The following ZNF683 variants were observed in gnomAD, a reference collection of about 807,000 sequenced individuals.
The protein encoded by ZNF683 is zinc finger protein 683, also known as tissue-resident T-cell transcription regulator protein ZNF683.
ZNF683 carries 20 observed loss-of-function variants against 31.4 expected under a neutral mutation model. That is an observed-to-expected ratio of 0.64 (90% CI 0.45 to 0.93). The LOEUF is 0.93. Ranked by LOEUF, ZNF683 falls within the 40% of genes least tolerant of loss-of-function variation. ZNF683 has a pLI of 0.00. For missense variants in ZNF683, 621 were observed against 637.2 expected, an observed-to-expected ratio of 0.97 and a Z score of 0.27; for synonymous variants, 264 against 267.6, an observed-to-expected ratio of 0.99 and a Z score of 0.13.
At position 26,361,810 on chromosome 1, in the gene ZNF683, G is replaced by A. The variant is rs1248626635; in HGVS notation, c.1356C>T (p.His452=). Residue 452 remains histidine, a synonymous_variant, in exon 6 of 6, where the codon CAC becomes CAT. Transcript: ENST00000349618. Reference sequence around the variant, plus strand: ...CCGCCATAAGATCTAGTGCCCCCTGGTGCCATTGGGCAAGGCAGGCCAGAG... The same window carrying A: ...CCGCCATAAGATCTAGTGCCCCCTGATGCCATTGGGCAAGGCAGGCCAGAG... ...LASLACLAQW[H]QGALDLMAVA... is the part of the protein sequence containing the mutation. 1.9e-6 allele frequency: 3 copies of A among 1,613,940 alleles called. No individual in the cohort carries two copies. The highest frequency in any genetic ancestry group is 2.5e-6 in the Non-Finnish European group (3 of 1,179,912).
In ZNF683 at chr1:26,363,027, G is replaced by T; in HGVS notation, c.1142C>A (p.Ser381Ter). Residue 381 changes from serine to a stop codon, truncating the protein, a stop_gained and splice_region_variant, in exon 5 of 6, where the codon TCG (serine) becomes TAG (stop). Transcript: ENST00000349618. LOFTEE classifies it low-confidence loss of function (END_TRUNC). The stretch of plus-strand genomic sequence containing the variant: ...ATAGTAGGGGGAGAAGGATCTCACC[G>T]AGCACTTGTGGGGCCGCTCCCCAGT... ...VHTGERPHKC[S>*]VCHKRFSSSS... is the part of the protein sequence containing the mutation. 1.2e-6 allele frequency: 2 copies of T among 1,608,928 alleles called. No individual in the cohort carries two copies. Among genetic ancestry groups the T allele is most frequent in the Non-Finnish European group, 1.7e-6 (2 of 1,177,314 alleles).
At chr1:26,374,106 C>A (rs2074717529), upstream of ZNF683, among the ~76,000 whole-genome samples, 1 of 151,984 alleles carries the variant, frequency 6.6e-6, no homozygotes, top group South Asian at 2.1e-4. Context: ...CCCTCAGTAT[C>A]CTTCAGCGTA....
intron 3 of ZNF683, 122 bp from the exon 4 acceptor site, chr1:26,365,348 G>A (rs1347276277): frequency 6.3e-5 from 67 of 1,055,170 alleles, no homozygotes; most frequent in Non-Finnish European, 8.0e-5. Context: ...TAGCATTTCT[G>A]TAGTGCTGAA....
In ZNF683 at chr1:26,362,262, T is replaced by G. The variant is rs759927978; in HGVS notation, c.1144-240A>C. 24 of 1,325,698 alleles carry G rather than the reference T, an allele frequency of 1.8e-5. No individual in the cohort carries two copies. In the Admixed American group the frequency reaches 2.2e-4, roughly 12 times the overall value. The allele number at this position is 1,325,698 out of a possible 1,614,324, so 82.1% of individuals were successfully genotyped here. A position where few individuals can be genotyped will look rare whatever the true frequency, so the allele number is the denominator to read the frequency against. On this transcript the variant is annotated intron_variant, in intron 5 of 5. Coordinates refer to ENST00000349618, the MANE Select transcript of ZNF683 (RefSeq NM_001114759.3). The stretch of plus-strand genomic sequence containing the variant: ...AAAGTAACTTCTCCTCTCTGAGCCT[T>G]CCTCTCCTCATTGGTAACATTGGTT...
At chr1:26,372,090 G>C (rs1319735056) in intron 1 of ZNF683, among the ~76,000 whole-genome samples, 2 of 152,192 alleles carry the variant, frequency 1.3e-5, no homozygotes, top group Non-Finnish European at 2.9e-5. Flanking sequence ...GTGTGCGTGA[G>C]TCTGGCCCAG....
upstream of ZNF683, chr1:26,374,486 G>C: frequency 8.8e-7 from 1 of 1,140,990 alleles, no homozygotes; most frequent in Non-Finnish European, 1.1e-6. Context: ...AGGTTCCCAC[G>C]TGGAGAAGCC....
rs772480473 is a variant in ZNF683 at position 26,367,699 on chromosome 1, A to C, written c.213T>G (p.Ser71=). Residue 71 remains serine, a synonymous_variant, in exon 3 of 6, where the codon TCT becomes TCG. Transcript: ENST00000349618. Reference sequence around the variant, plus strand: ...GGTCCTGTAGGCAGGCCAGCAGTGCAGACCTGCCCGGTGCCAGGGGCAAGG... The same window carrying C: ...GGTCCTGTAGGCAGGCCAGCAGTGCCGACCTGCCCGGTGCCAGGGGCAAGG... ...LCPLPLAPGR[S]ALLACLQDLD... 5 of 1,612,554 alleles carry C rather than the reference A, an allele frequency of 3.1e-6. No individual in the cohort carries two copies. In the South Asian group the frequency reaches 3.3e-5, roughly 11 times the overall value.
intron 5 of ZNF683, 84 bp downstream of exon 5, chr1:26,362,942 G>C: frequency 6.7e-7 from 1 of 1,494,236 alleles, no homozygotes. Flanking sequence ...ACTGGGGAAT[G>C]GAGGCTGCAG....
At chr1:26,371,415 C>G (rs1291139776) in intron 1 of ZNF683, among the ~76,000 whole-genome samples, 2 of 151,720 alleles carry the variant, frequency 1.3e-5, no homozygotes, top group African/African-American at 4.8e-5. Flanking sequence ...GCCTGGGCAA[C>G]AAAGCAAGAC....
At chr1:26,371,478 TGGTCCCAGCTACTCAGGA>T (rs2074667789) in intron 1 of ZNF683, among the ~76,000 whole-genome samples, 1 of 152,032 alleles carries the variant, frequency 6.6e-6, no homozygotes, top group South Asian at 2.1e-4. Context: ...CTTGCACCTC[TGGTCCCAGCTACTCAGGA>T]GGCTGAGGCA....
In ZNF683 at chr1:26,364,641, G is replaced by A. The variant is rs764990554; in HGVS notation, c.905C>T (p.Ser302Phe). The A allele has an allele frequency of 5.0e-6, 8 of 1,614,018 alleles. No homozygotes were observed. The highest frequency in any genetic ancestry group is 5.9e-6 in the Non-Finnish European group (7 of 1,179,896). ...AGGCAAGGCTGCGGTGCCTGTCTGG[G>A]AACTCAATGGGACCCGCTTTGCTGG... ...ASPAKRVPLS[S>F]QTGTAALPYP... Residue 302 changes from serine (S) to phenylalanine (F), a missense_variant, in exon 4 of 6, where the codon TCC becomes TTC. By Grantham distance (155) the Ser-to-Phe change is radical (BLOSUM62 -2). Transcript: ENST00000349618.
chr1:26,361,801 T>C lies in ZNF683; in HGVS notation c.1365A>G (p.Ala455=). 6.2e-7 allele frequency: 1 copy of C among 1,614,008 alleles called. No individual in the cohort carries two copies. Among genetic ancestry groups the C allele is most frequent in the Non-Finnish European group, 8.5e-7 (1 of 1,179,878 alleles). The change falls in exon 6 of 6, where the codon GCA becomes GCG. Residue 455 remains alanine (A), a synonymous_variant. Coordinates refer to ENST00000349618, the MANE Select transcript of ZNF683 (RefSeq NM_001114759.3). ...CAGATGCCACCGCCATAAGATCTAG[T>C]GCCCCCTGGTGCCATTGGGCAAGGC... is the stretch of plus-strand genomic sequence containing the variant. The part of the protein sequence containing the change: ...LACLAQWHQG[A]LDLMAVASEK...
Position 26,364,261 on chromosome 1 carries a change from T to C in ZNF683, c.1014+271A>G, listed in dbSNP as rs559077192. On this transcript the variant is annotated intron_variant, in intron 4 of 5. Transcript: ENST00000349618. ...TAACACTACCGTTAAATCGGGGTAA[T>C]CTTAGGCAAACGCTGCCCATTAAAA... 3.5e-3 allele frequency among the ~76,000 whole-genome samples: 538 copies of C among 152,308 alleles called. 1 individual carries two copies. The highest frequency in any genetic ancestry group is 0.01 in the Middle Eastern group (3 of 294).
chr1:26,361,969 C>T lies in ZNF683; in HGVS notation c.1197G>A (p.Leu399=), dbSNP rs549611095. The T allele has an allele frequency of 6.2e-6, 10 of 1,613,952 alleles. No homozygotes were observed. The South Asian group carries it at 9.9e-5, about 16-fold the overall frequency. The change falls in exon 6 of 6, where the codon CTG becomes CTA. Residue 399 remains leucine (L), a synonymous_variant. Coordinates refer to ENST00000349618, the MANE Select transcript of ZNF683 (RefSeq NM_001114759.3). ...SSSNLKTHLR[L]HSGARPFQCS... The stretch of plus-strand genomic sequence containing the variant: ...ACTGGAAGGGCCGGGCCCCGGAGTG[C>T]AGGCGCAGGTGGGTCTTGAGGTTAC...
Position 26,361,868 on chromosome 1 carries a change from C to T in ZNF683, c.1298G>A (p.Cys433Tyr). Residue 433 changes from cysteine to tyrosine, a missense_variant, in exon 6 of 6, where the codon TGT (cysteine) becomes TAT (tyrosine). Cys to Tyr is a radical substitution (Grantham distance 194, BLOSUM62 -2). Transcript: ENST00000349618. Reference protein sequence around the residue: ...LHHRLHAPQPCGLVHTQLPLA... With the variant: ...LHHRLHAPQPYGLVHTQLPLA... The stretch of plus-strand genomic sequence containing the variant: ...GGGCAGCTGGGTGTGCACCAGGCCA[C>T]AGGGCTGTGGGGCATGCAGCCGATG... 6.2e-7 allele frequency: 1 copy of T among 1,613,996 alleles called. No homozygotes were observed. The highest frequency in any genetic ancestry group is 1.6e-4 in the Middle Eastern group (1 of 6,062).
chr1:26,367,920 A>G (rs2074569846), intron 2 of ZNF683, 123 bp from the exon 3 acceptor site: 1 of 685,930 alleles, frequency 1.5e-6, no homozygotes, highest in Non-Finnish European at 2.4e-6. Context: ...ACCACACTCC[A>G]TATCTGTCAC....
rs573384985 is a variant in ZNF683, at chr1:26,361,739, A to C, written c.1427T>G (p.Val476Gly). The change falls in exon 6 of 6, where the codon GTG (valine) becomes GGG (glycine). Residue 476 changes from valine to glycine, a missense_variant. By Grantham distance (109) the Val-to-Gly change is moderately radical. Transcript: ENST00000349618. ...TGCTTTCCCCTGGGATGTCGAGGAC[A>C]CTTTGACCTCATCTATGTCATAGCC... ...HMGYDIDEVK[V>G]SSTSQGKARA... The C allele has an allele frequency of 2.3e-5, 37 of 1,613,936 alleles. No individual in the cohort carries two copies. Among genetic ancestry groups the C allele is most frequent in the Non-Finnish European group, 3.1e-5 (36 of 1,179,906 alleles).
chr1:26,370,752 G>T, intron 1 of ZNF683: 1 of 984,704 alleles, frequency 1.0e-6, no homozygotes, highest in South Asian at 4.7e-5. Flanking sequence ...TGAGGCCCCA[G>T]TGGGAGTGAG....
At chr1:26,366,770 C>G (rs554702796) in intron 3 of ZNF683, among the ~76,000 whole-genome samples, 1 of 152,276 alleles carries the variant, frequency 6.6e-6, no homozygotes, top group Admixed American at 6.5e-5. Flanking sequence ...ATTCTCCTGC[C>G]TCAGCCTCCT....
Sources: allele counts gnomAD v4.1 joint callset (sites outside exome capture counted in the v4.1 genomes callset), GRCh38; gene constraint gnomAD v4.1.1; transcripts MANE v1.5; gene names NCBI Gene and HGNC (gene_info 2026-07-23, HGNC 2026-07-21).